The following MTIF2 variants were observed in gnomAD, a reference collection of about 807,000 sequenced individuals.
MTIF2 encodes translation initiation factor IF-2, mitochondrial.
MTIF2 carries 71 observed loss-of-function variants against 83.5 expected under a neutral mutation model. That is an observed-to-expected ratio of 0.85 (90% CI 0.70 to 1.04). MTIF2 has a LOEUF of 1.04. Among genes scored for constraint, MTIF2 ranks in the 50% least tolerant of loss-of-function variants. The probability of loss-of-function intolerance (pLI) is 0.00; values close to 1 mark genes in which losing one functional copy is unlikely to be tolerated. For synonymous variants in MTIF2, 319 were observed against 287.1 expected, an observed-to-expected ratio of 1.11 and a Z score of -1.12; for missense variants, 957 against 846.5, an observed-to-expected ratio of 1.13 and a Z score of -1.62.
At chr2:55,237,573 A>G (rs548622850) in intron 14 of MTIF2, 145 bp from the exon 15 acceptor site, 57 of 580,566 alleles carry the variant, frequency 9.8e-5, no homozygotes, top group Admixed American at 7.7e-4. Flanking sequence ...CTTTAACTCC[A>G]ATTTTATTTT....
intron 13 of MTIF2, among the ~76,000 whole-genome samples, 186 bp from the exon 14 acceptor site, chr2:55,240,361 G>C (rs1359825112): frequency 6.6e-6 from 1 of 152,086 alleles, no homozygotes; most frequent in Non-Finnish European, 1.5e-5. Flanking sequence ...CAGGTGGATC[G>C]CCTGAGGTCA....
At chr2:55,241,701 G>C (rs2576721) in intron 13 of MTIF2, among the ~76,000 whole-genome samples, 94,926 of 151,856 alleles carry the variant, frequency 0.63, 30,551 homozygotes, top group Non-Finnish European at 0.71. Context: ...GAATTAGCCA[G>C]GTGTGGTCGT....
intron 8 of MTIF2, among the ~76,000 whole-genome samples, chr2:55,250,955 C>T (rs546529582): frequency 6.6e-6 from 1 of 151,706 alleles, no homozygotes; most frequent in East Asian, 1.9e-4. Flanking sequence ...ACTAAAAATA[C>T]AAAAATTAGC....
chr2:55,256,517 C>A (rs922673097), intron 5 of MTIF2, among the ~76,000 whole-genome samples: 1 of 151,676 alleles, frequency 6.6e-6, no homozygotes, highest in Non-Finnish European at 1.5e-5. Flanking sequence ...ACCAGCCTGG[C>A]CAATATGGTG....
chr2:55,247,947 G>A (rs576127279), intron 9 of MTIF2, among the ~76,000 whole-genome samples: 1 of 152,156 alleles, frequency 6.6e-6, no homozygotes, highest in East Asian at 1.9e-4. Flanking sequence ...CTGGAGTGCA[G>A]TGGCATCATC....
intron 8 of MTIF2, among the ~76,000 whole-genome samples, chr2:55,250,840 G>A (rs1677041490): frequency 6.6e-6 from 1 of 152,056 alleles, no homozygotes; most frequent in African/African-American, 2.4e-5. Flanking sequence ...TTCTGGCCGG[G>A]CACGGTGGCT....
At chr2:55,252,428 C>T in intron 8 of MTIF2, 49 bp downstream of exon 8, 1 of 1,555,806 alleles carries the variant, frequency 6.4e-7, no homozygotes, top group Non-Finnish European at 8.8e-7. Flanking sequence ...TAAATGGCCC[C>T]AGAACTTTGA....
At chr2:55,253,196 A>T (rs1390742073) in intron 7 of MTIF2, among the ~76,000 whole-genome samples, 1 of 152,204 alleles carries the variant, frequency 6.6e-6, no homozygotes, top group African/African-American at 2.4e-5. Context: ...TTGTCAAGAT[A>T]AAAAAGACAA....
At chr2:55,244,730 C>A (rs1276318140) in intron 10 of MTIF2, among the ~76,000 whole-genome samples, 2 of 151,794 alleles carry the variant, frequency 1.3e-5, no homozygotes, top group African/African-American at 4.8e-5. Flanking sequence ...GCTAGGGCAA[C>A]ATAGCAGGAC....
intron 9 of MTIF2, among the ~76,000 whole-genome samples, chr2:55,247,147 G>A (rs571949913): frequency 6.6e-6 from 1 of 152,268 alleles, no homozygotes; most frequent in Non-Finnish European, 1.5e-5. Context: ...GTGCTCTCTA[G>A]GGCTCCAAGA....
Position 55,236,649 on chromosome 2 carries a change from T to A in MTIF2, c.2183A>T (p.Ter728LeuextTer?), listed in dbSNP as rs1349184535. ...GTTATTTACATTTTTAATGTAATTTTAAAATCCTGGATCCCAAGAAGTCTT... is the reference window on the plus strand; with the variant it reads ...GTTATTTACATTTTTAATGTAATTTAAAAATCCTGGATCCCAAGAAGTCTT... ...QAKTSWDPGF* is the reference protein window; with the variant it reads ...QAKTSWDPGFL Residue 728 changes from the stop codon to leucine, a stop_lost, in exon 16 of 16, where the codon TAA becomes TTA. Transcript: ENST00000263629. 2 of 1,584,446 alleles carry A rather than the reference T, an allele frequency of 1.3e-6. No homozygotes were observed. The highest frequency in any genetic ancestry group is 1.2e-5 in the South Asian group (1 of 85,474).
At chr2:55,245,713 C>G (rs974919674) in intron 10 of MTIF2, among the ~76,000 whole-genome samples, 5 of 151,232 alleles carry the variant, frequency 3.3e-5, no homozygotes, top group African/African-American at 1.2e-4. Flanking sequence ...ATATGGTTAA[C>G]ATAATAAATG....
chr2:55,250,868 G>T (rs1159839990), intron 8 of MTIF2, among the ~76,000 whole-genome samples: 1 of 151,972 alleles, frequency 6.6e-6, no homozygotes, highest in African/African-American at 2.4e-5. Flanking sequence ...GTAATCCCAG[G>T]ACTTTGGGAG....
rs773173803 is a variant in MTIF2 at position 55,243,467 on chromosome 2, G to A, written c.1513C>T (p.Pro505Ser). Residue 505 changes from proline (P) to serine (S), a missense_variant, in exon 12 of 16, where the codon CCA becomes TCA. By Grantham distance (74) the Pro-to-Ser change is moderately conservative. Transcript: ENST00000263629. ...LERKEQIPLK[P>S]KEKRERDSNV... ...GAATCTCTTTCCCTTTTCTCTTTTG[G>A]CTTTAAGGGTATTTGTTCTTTTCTT... The A allele has an allele frequency of 1.9e-6, 3 of 1,613,066 alleles. No individual in the cohort carries two copies. In the South Asian group the frequency reaches 3.3e-5, roughly 18 times the overall value.
Position 55,240,012 on chromosome 2 carries a change from T to G in MTIF2, c.1869A>C (p.Val623=). 6.2e-7 allele frequency: 1 copy of G among 1,606,006 alleles called. No homozygotes were observed. Among genetic ancestry groups the G allele is most frequent in the Non-Finnish European group, 8.5e-7 (1 of 1,175,198 alleles). ...RLPCAVEEHP[V]GEASILATFS... ...AAGTAACATTCAGTGATCACTCACC[T>G]ACTGGGTGCTCTTCCACAGCACAGG... is the stretch of plus-strand genomic sequence containing the variant. Residue 623 remains valine, a splice_region_variant and synonymous_variant, in exon 14 of 16, where the codon GTA becomes GTC. Coordinates refer to ENST00000263629, the MANE Select transcript of MTIF2 (RefSeq NM_002453.3).
intron 6 of MTIF2, 44 bp downstream of exon 6, chr2:55,254,610 G>A (rs780051952): frequency 3.5e-6 from 5 of 1,431,354 alleles, no homozygotes; most frequent in African/African-American, 2.9e-5. Context: ...ATATAACTAT[G>A]TAGTCTCCCC....
chr2:55,264,452 G>C (rs1172913238), intron 3 of MTIF2, among the ~76,000 whole-genome samples: 2 of 152,100 alleles, frequency 1.3e-5, no homozygotes, highest in African/African-American at 4.8e-5. Flanking sequence ...GTCTAGGTTA[G>C]TCTCAAACTC....
At chr2:55,251,801 T>C (rs1677112048) in intron 8 of MTIF2, among the ~76,000 whole-genome samples, 1 of 152,166 alleles carries the variant, frequency 6.6e-6, no homozygotes, top group African/African-American at 2.4e-5. Context: ...CTTTGTATTT[T>C]TAGTAGAGAC....
chr2:55,257,462 G>C (rs1677636246), intron 5 of MTIF2, among the ~76,000 whole-genome samples: 1 of 152,150 alleles, frequency 6.6e-6, no homozygotes, highest in African/African-American at 2.4e-5. Context: ...GCCTGGGCAA[G>C]AGTGAGACTC....
Sources: gnomAD v4.1 joint callset for allele counts (sites outside exome capture counted in the v4.1 genomes callset) on GRCh38, gnomAD v4.1.1 for gene constraint, MANE v1.5 for transcripts, NCBI Gene and HGNC (gene_info 2026-07-23, HGNC 2026-07-21) for gene names.